PARD6B: variants seen among roughly 807,000 people sequenced by gnomAD.
The protein encoded by PARD6B is partitioning defective 6 homolog beta.
A neutral mutation model predicts 10.5 loss-of-function variants in PARD6B; 4 were observed. The ratio of observed to expected loss-of-function variants is 0.38; its 90% CI spans 0.19 to 0.87. PARD6B has a LOEUF of 0.87. Among genes scored for constraint, PARD6B ranks in the 40% least tolerant of loss-of-function variants. The pLI, the probability that PARD6B is intolerant of heterozygous loss-of-function variation, is 0.41. For synonymous variants in PARD6B, 169 were observed against 170.4 expected (o/e 0.99, Z 0.07); for missense variants, 396 against 470.6 (o/e 0.84, Z 1.47).
chr20:50,752,261 A>T lies in PARD6B; in HGVS notation c.*1773A>T. ...CTTTTAATGCATCCAAGTATGCATC[A>T]TTTTGGATAAAAAATACATCCAAAT... On this transcript the variant is annotated 3_prime_UTR_variant, in exon 3 of 3. Coordinates refer to ENST00000371610, the MANE Select transcript of PARD6B (RefSeq NM_032521.3). 2 of 985,684 alleles carry T rather than the reference A, an allele frequency of 2.0e-6. No homozygotes were observed. The highest frequency in any genetic ancestry group is 2.4e-6 in the Non-Finnish European group (2 of 829,906). 61.1% of individuals were successfully genotyped at this position (985,684 alleles called of 1,614,324 possible).
chr20:50,752,379 T>C lies in PARD6B; in HGVS notation c.*1891T>C. The C allele has an allele frequency of 1.0e-6, 1 of 985,774 alleles. No homozygotes were observed. The highest frequency in any genetic ancestry group is 1.2e-6 in the Non-Finnish European group (1 of 829,898). 61.1% of individuals were successfully genotyped at this position (985,774 alleles called of 1,614,324 possible). A position where few individuals can be genotyped will look rare whatever the true frequency, so the allele number is the denominator to read the frequency against. ...TCCTTCATGGGATTTCTAGAAACAC[T>C]GCCTACACTTTATGAAAACTACATA... is the stretch of plus-strand genomic sequence containing the variant. On this transcript the variant is annotated 3_prime_UTR_variant, in exon 3 of 3. Transcript: ENST00000371610.
chr20:50,737,296 T>TA (rs1197885951), intron 1 of PARD6B, among the ~76,000 whole-genome samples: 1 of 152,246 alleles, frequency 6.6e-6, no homozygotes, highest in African/African-American at 2.4e-5. Context: ...TTATAGGACA[T>TA]ACATTTGATG....
chr20:50,752,242 A>T lies in PARD6B; in HGVS notation c.*1754A>T, dbSNP rs769617961. 5 of 985,532 alleles carry T rather than the reference A, an allele frequency of 5.1e-6. No homozygotes were observed. The highest frequency in any genetic ancestry group is 6.0e-6 in the Non-Finnish European group (5 of 829,894). 61.0% of individuals were successfully genotyped at this position (985,532 alleles called of 1,614,324 possible). On this transcript the variant is annotated 3_prime_UTR_variant, in exon 3 of 3. Transcript: ENST00000371610. ...GTGTATTTTTGTTGGTGTGCTTTTAATGCATCCAAGTATGCATCATTTTGG... is the reference window on the plus strand; with the variant it reads ...GTGTATTTTTGTTGGTGTGCTTTTATTGCATCCAAGTATGCATCATTTTGG...
chr20:50,739,873 G>T (rs978185339), intron 2 of PARD6B, among the ~76,000 whole-genome samples: 1 of 23,726 alleles, frequency 4.2e-5, no homozygotes, highest in African/African-American at 1.5e-4. Context: ...GGGGAAGGGT[G>T]GGGGGAGGGG....
chr20:50,741,672 G>A (rs939252292), intron 2 of PARD6B, among the ~76,000 whole-genome samples: 3 of 151,920 alleles, frequency 2.0e-5, no homozygotes, highest in African/African-American at 7.3e-5. Flanking sequence ...CCTCTGAGTA[G>A]CTGGGACTAC....
At position 50,752,497 on chromosome 20, in the gene PARD6B, A is replaced by C. The variant is rs544794289; in HGVS notation, c.*2009A>C. 1 of 985,590 alleles carries C rather than the reference A, an allele frequency of 1.0e-6. No homozygotes were observed. Among genetic ancestry groups the C allele is most frequent in the African/African-American group, 1.7e-5 (1 of 57,352 alleles). 61.1% of individuals were successfully genotyped at this position (985,590 alleles called of 1,614,324 possible). A position where few individuals can be genotyped will look rare whatever the true frequency, so the allele number is the denominator to read the frequency against. On this transcript the variant is annotated 3_prime_UTR_variant, in exon 3 of 3. Transcript: ENST00000371610. ...CATCCACTTAGAACAAGCTAAGAGT[A>C]AGGCTGCTAACTTTAATTCCTTGCC...
Position 50,731,836 on chromosome 20 carries a change from TG to T in PARD6B, c.52del (p.Glu18ArgfsTer2). On this transcript the variant is annotated frameshift_variant, in exon 1 of 3. Transcript: ENST00000371610. LOFTEE classifies it high-confidence loss of function. Reference sequence around the variant, plus strand: ...GCGGGCAGCGGCTGCCTGGGCACTATGGAGGTGAAGAGCAAGGTGCGCGGGG... The same window carrying T: ...GCGGGCAGCGGCTGCCTGGGCACTATGAGGTGAAGAGCAAGGTGCGCGGGG... Reference protein sequence around the residue: ...HGAGSGCLGTMEVKSKFGAEF... With the variant: ...HGAGSGCLGTXEVKSKFGAEF... 1 of 1,459,530 alleles carries T rather than the reference TG, an allele frequency of 6.9e-7. No homozygotes were observed. The highest frequency in any genetic ancestry group is 1.3e-5 in the South Asian group (1 of 75,844). The allele number at this position is 1,459,530 out of a possible 1,614,324, so 90.4% of individuals were successfully genotyped here.
chr20:50,731,862 G>C lies in PARD6B; in HGVS notation c.66+10G>C. On this transcript the variant is annotated intron_variant, in intron 1 of 2. Transcript: ENST00000371610. ...GGAGGTGAAGAGCAAGGTGCGCGGGGCCCGGGCTGGGCGGAGCGGCGGGCC... is the reference window on the plus strand; with the variant it reads ...GGAGGTGAAGAGCAAGGTGCGCGGGCCCCGGGCTGGGCGGAGCGGCGGGCC... The C allele has an allele frequency of 1.4e-6, 2 of 1,444,488 alleles. No homozygotes were observed. Among genetic ancestry groups the C allele is most frequent in the Non-Finnish European group, 1.8e-6 (2 of 1,102,562 alleles). The allele number at this position is 1,444,488 out of a possible 1,614,324, so 89.5% of individuals were successfully genotyped here. A position where few individuals can be genotyped will look rare whatever the true frequency, so the allele number is the denominator to read the frequency against.
At chr20:50,744,105 C>CTTTTTTTTTT (rs753435244) in intron 2 of PARD6B, among the ~76,000 whole-genome samples, 1 of 77,808 alleles carries the variant, frequency 1.3e-5, no homozygotes, top group Non-Finnish European at 2.3e-5. Context: ...GAAGTAGCTT[C>CTTTTTTTTTT]TTTTTTTTTT....
At chr20:50,744,683 A>G (rs770146465) in intron 2 of PARD6B, among the ~76,000 whole-genome samples, 3 of 125,592 alleles carry the variant, frequency 2.4e-5, no homozygotes, top group African/African-American at 6.0e-5. Flanking sequence ...TTCTAGCTGT[A>G]TTGGATTTCT....
At chr20:50,733,812 AT>A (rs1219611468) in intron 1 of PARD6B, among the ~76,000 whole-genome samples, 1 of 152,190 alleles carries the variant, frequency 6.6e-6, no homozygotes, top group Admixed American at 6.5e-5. Flanking sequence ...CAAGTCTTTA[AT>A]TTTTTTCCAC....
At chr20:50,732,990 G>C (rs1040896637) in intron 1 of PARD6B, among the ~76,000 whole-genome samples, 3 of 152,206 alleles carry the variant, frequency 2.0e-5, no homozygotes, top group Non-Finnish European at 4.4e-5. Context: ...GTGAGGTACA[G>C]TGGAGTAAGG....
chr20:50,733,354 G>T (rs2123697684), intron 1 of PARD6B, among the ~76,000 whole-genome samples: 1 of 152,310 alleles, frequency 6.6e-6, no homozygotes, highest in Non-Finnish European at 1.5e-5. Context: ...AATCCGGGAG[G>T]TGGAGGTTGC....
rs565068464 is a variant in PARD6B, at chr20:50,750,954, A to ATTTTT, written c.*494_*498dup. ...CTCATGTTCCCAATATTTTATTTTGATTTTTTTTTTTTTTTTTTTTTTTTT... is the reference window on the plus strand; with the variant it reads ...CTCATGTTCCCAATATTTTATTTTGATTTTTTTTTTTTTTTTTTTTTTTTTTTTTT... On this transcript the variant is annotated 3_prime_UTR_variant, in exon 3 of 3. Transcript: ENST00000371610. The ATTTTT allele has an allele frequency of 8.7e-4, 339 of 387,762 alleles. 31 individuals are homozygous for ATTTTT. The highest frequency in any genetic ancestry group is 6.4e-3 in the African/African-American group (176 of 27,456). 24.0% of individuals were successfully genotyped at this position (387,762 alleles called of 1,614,324 possible). A position where few individuals can be genotyped will look rare whatever the true frequency, so the allele number is the denominator to read the frequency against.
chr20:50,742,907 A>G (rs1322149839), intron 2 of PARD6B, among the ~76,000 whole-genome samples: 3 of 152,180 alleles, frequency 2.0e-5, no homozygotes, highest in Non-Finnish European at 2.9e-5. Flanking sequence ...TCATGGGAGC[A>G]AAAACAAAGC....
In PARD6B at chr20:50,752,527, T is replaced by C; in HGVS notation, c.*2039T>C. 3 of 976,058 alleles carry C rather than the reference T, an allele frequency of 3.1e-6. No homozygotes were observed. Among genetic ancestry groups the C allele is most frequent in the Non-Finnish European group, 3.6e-6 (3 of 825,772 alleles). 60.5% of individuals were successfully genotyped at this position (976,058 alleles called of 1,614,324 possible). On this transcript the variant is annotated 3_prime_UTR_variant, in exon 3 of 3. Transcript: ENST00000371610. ...TGCTAACTTTAATTCCTTGCCTGAT[T>C]TTATTGTACAGTGTGCACAAGCACA...
chr20:50,735,748 A>T (rs1252148647), intron 1 of PARD6B, among the ~76,000 whole-genome samples: 3 of 152,242 alleles, frequency 2.0e-5, no homozygotes, highest in African/African-American at 7.2e-5. Flanking sequence ...TTATCATAAC[A>T]GTTAAGCAAG....
chr20:50,740,201 G>A (rs970331493), intron 2 of PARD6B, among the ~76,000 whole-genome samples: 3 of 152,160 alleles, frequency 2.0e-5, no homozygotes, highest in African/African-American at 7.2e-5. Context: ...TAGACATAAA[G>A]GCTATCTGAG....
intron 1 of PARD6B, among the ~76,000 whole-genome samples, 196 bp from the exon 2 acceptor site, chr20:50,737,661 A>G (rs1404400063): frequency 6.6e-6 from 1 of 152,176 alleles, no homozygotes; most frequent in Non-Finnish European, 1.5e-5. Flanking sequence ...TCAGAGACAC[A>G]GCAGTCAGGA....
Sources: allele counts gnomAD v4.1 joint callset (sites outside exome capture counted in the v4.1 genomes callset), GRCh38; gene constraint gnomAD v4.1.1; transcripts MANE v1.5; gene names NCBI Gene and HGNC (gene_info 2026-07-23, HGNC 2026-07-21).